Variants in LTAP1 observed in about 807,000 individuals in gnomAD.
LTAP1 encodes the protein lipid transport auxiliary protein 1, also known as HCV NS5A-transactivated protein 4.
chr1:154,212,918 C>A, the LTAP1 span, among the ~76,000 whole-genome samples: 23 of 152,238 alleles, frequency 1.5e-4, no homozygotes, highest in Admixed American at 1.5e-3. Context: ...TGTGATCTGT[C>A]TGCCTCGCCC....
At chr1:154,217,541 T>C in the LTAP1 span, among the ~76,000 whole-genome samples, 1 of 152,040 alleles carries the variant, frequency 6.6e-6, no homozygotes, top group East Asian at 1.9e-4. Flanking sequence ...ATGGTTTTTT[T>C]GTTTTTGGTG....
the LTAP1 span, among the ~76,000 whole-genome samples, chr1:154,211,040 C>T: frequency 6.6e-6 from 1 of 151,316 alleles, no homozygotes. Context: ...CAGTCATGCT[C>T]TTGTCACCCC....
chr1:154,212,299 C>G, the LTAP1 span: 1 of 1,613,886 alleles, frequency 6.2e-7, no homozygotes, highest in Non-Finnish European at 8.5e-7. Context: ...CTCCCTCTGA[C>G]ACGTTCCCCT....
chr1:154,212,591 C>G, the LTAP1 span: 1 of 1,614,108 alleles, frequency 6.2e-7, no homozygotes, highest in Non-Finnish European at 8.5e-7. Flanking sequence ...CATTAAGGAA[C>G]GGGGATGCCG....
the LTAP1 span, among the ~76,000 whole-genome samples, chr1:154,217,500 G>C: frequency 5.8e-3 from 885 of 152,104 alleles, 14 homozygotes; most frequent in Middle Eastern, 0.024. Flanking sequence ...ATATTCTCTT[G>C]TGAACGGCAT....
the LTAP1 span, chr1:154,219,687 G>C: frequency 6.4e-6 from 4 of 626,464 alleles, no homozygotes; most frequent in East Asian, 1.2e-4. Context: ...GTTCCAAAGC[G>C]CACAGTGCCT....
the LTAP1 span, chr1:154,214,502 C>G: frequency 1.2e-6 from 2 of 1,613,984 alleles, no homozygotes; most frequent in African/African-American, 2.7e-5. Flanking sequence ...GCATCATCAT[C>G]TGCAAGGAGC....
At chr1:154,207,307 C>T in the LTAP1 span, 2 of 718,282 alleles carry the variant, frequency 2.8e-6, no homozygotes, top group African/African-American at 1.8e-5. Flanking sequence ...TAGACACAAG[C>T]TCTAAGAACT....
At chr1:154,207,570 G>A in the LTAP1 span, 1 of 1,614,148 alleles carries the variant, frequency 6.2e-7, no homozygotes, top group South Asian at 1.1e-5. Flanking sequence ...TGGTTGTTGG[G>A]GAGACCTCAG....
the LTAP1 span, chr1:154,219,863 AT>A: frequency 5.0e-6 from 8 of 1,613,652 alleles, no homozygotes; most frequent in Non-Finnish European, 6.8e-6. Flanking sequence ...CCACAGGGAC[AT>A]GAGGTCCCCT....
chr1:154,212,761 G>C, the LTAP1 span: 3 of 877,420 alleles, frequency 3.4e-6, no homozygotes, highest in East Asian at 2.7e-5. Flanking sequence ...TCCTAGGTTT[G>C]AGCAATTCTC....
At chr1:154,220,440 T>C in the LTAP1 span, 28 of 1,613,682 alleles carry the variant, frequency 1.7e-5, no homozygotes, top group African/African-American at 3.6e-4. Flanking sequence ...TTGTTCGGGT[T>C]TACCCCGCTG....
the LTAP1 span, among the ~76,000 whole-genome samples, chr1:154,215,563 CAA>C: frequency 3.2e-4 from 36 of 111,406 alleles, no homozygotes; most frequent in Admixed American, 5.6e-4. Context: ...GAGACGTCTC[CAA>C]AAAAAAAAAA....
the LTAP1 span, among the ~76,000 whole-genome samples, chr1:154,215,222 A>G: frequency 6.6e-6 from 1 of 152,084 alleles, no homozygotes; most frequent in Non-Finnish European, 1.5e-5. Flanking sequence ...AAAAATTAAC[A>G]CATATTTCTT....
chr1:154,213,879 C>T, the LTAP1 span: 11 of 1,610,064 alleles, frequency 6.8e-6, no homozygotes, highest in African/African-American at 1.3e-5. Flanking sequence ...TGGACCCTGT[C>T]AGGTAGCCCT....
At chr1:154,219,967 T>A in the LTAP1 span, 6 of 1,524,414 alleles carry the variant, frequency 3.9e-6, no homozygotes, top group Non-Finnish European at 5.3e-6. Flanking sequence ...AATCCTTTAA[T>A]AAAAAGTCAG....
the LTAP1 span, chr1:154,220,436 G>C: frequency 6.2e-7 from 1 of 1,613,918 alleles, no homozygotes; most frequent in South Asian, 1.1e-5. Context: ...AGAATTGTTC[G>C]GGTTTACCCC....
chr1:154,217,564 G>A, the LTAP1 span, among the ~76,000 whole-genome samples: 1 of 151,350 alleles, frequency 6.6e-6, no homozygotes, highest in African/African-American at 2.4e-5. Context: ...ACAGAGTCTC[G>A]CTCTGTCACC....
the LTAP1 span, among the ~76,000 whole-genome samples, chr1:154,219,022 G>A: frequency 1.3e-5 from 2 of 152,336 alleles, no homozygotes; most frequent in Non-Finnish European, 2.9e-5. Context: ...GGAAAATTCA[G>A]CCAGTGGAGC....
Sources: gnomAD v4.1 joint callset for allele counts (sites outside exome capture counted in the v4.1 genomes callset) on GRCh38, gnomAD v4.1.1 for gene constraint, MANE v1.5 for transcripts, NCBI Gene and HGNC (gene_info 2026-07-23, HGNC 2026-07-21) for gene names.